The following TMEFF2 variants were observed in gnomAD, a reference collection of about 807,000 sequenced individuals.
The protein encoded by TMEFF2 is tomoregulin-2.
TMEFF2 carries 28 observed loss-of-function variants against 53.8 expected under a neutral mutation model. The ratio of observed to expected loss-of-function variants is 0.52; its 90% CI spans 0.39 to 0.71. The LOEUF is 0.71. TMEFF2 is among the 30% of genes least tolerant of loss of function. The pLI is 0.00. For missense variants in TMEFF2, 353 were observed against 455.2 expected (o/e 0.78, Z 2.04); for synonymous variants, 162 against 166.3 (o/e 0.97, Z 0.20).
At chr2:192,112,084 C>G (rs115498147) in intron 4 of TMEFF2, among the ~76,000 whole-genome samples, 5,178 of 152,260 alleles carry the variant, frequency 0.034, 124 homozygotes, top group Non-Finnish European at 0.044. Context: ...TGTGGGGTTA[C>G]AGCCCCCACA....
chr2:192,114,917 C>T (rs1689365125), intron 4 of TMEFF2, among the ~76,000 whole-genome samples: 1 of 151,868 alleles, frequency 6.6e-6, no homozygotes, highest in African/African-American at 2.4e-5. Flanking sequence ...TTGTGATAAA[C>T]ATCAAACAAT....
intron 7 of TMEFF2, among the ~76,000 whole-genome samples, chr2:191,976,322 G>C (rs1484781479): frequency 6.6e-6 from 1 of 152,148 alleles, no homozygotes; most frequent in African/African-American, 2.4e-5. Flanking sequence ...CTCAGCAAAA[G>C]AGCTGGCAAA....
At chr2:192,189,654 C>T (rs1691413663) in intron 2 of TMEFF2, among the ~76,000 whole-genome samples, 1 of 150,480 alleles carries the variant, frequency 6.6e-6, no homozygotes, top group African/African-American at 2.4e-5. Context: ...TTCAATACCT[C>T]TCCCTTTTTA....
intron 7 of TMEFF2, among the ~76,000 whole-genome samples, chr2:191,965,102 G>A (rs1692432510): frequency 6.6e-6 from 1 of 152,078 alleles, no homozygotes; most frequent in Non-Finnish European, 1.5e-5. Context: ...TACTGCCTCT[G>A]ACTTCCAAAT....
intron 7 of TMEFF2, among the ~76,000 whole-genome samples, chr2:191,964,398 C>CTTTT (rs200251020): frequency 1.9e-5 from 1 of 51,750 alleles, no homozygotes; most frequent in African/African-American, 7.1e-5. Flanking sequence ...TTCTTTCTTT[C>CTTTT]TCTTTCTTTC....
intron 5 of TMEFF2, among the ~76,000 whole-genome samples, chr2:192,020,141 C>T (rs1229276253): frequency 1.3e-5 from 2 of 152,090 alleles, no homozygotes; most frequent in African/African-American, 4.8e-5. Flanking sequence ...CTTCCCTACC[C>T]TCTTTTCCCT....
Position 192,138,133 on chromosome 2 carries a change from T to G in TMEFF2, c.439+41535A>C, listed in dbSNP as rs376055078. ...TGCGCCCAGCCTCCTGAGTAATATATTTTTGAAACACTGGCAACTTAACAT... is the reference window on the plus strand; with the variant it reads ...TGCGCCCAGCCTCCTGAGTAATATAGTTTTGAAACACTGGCAACTTAACAT... On this transcript the variant is annotated intron_variant, in intron 4 of 9. Coordinates refer to ENST00000272771, the MANE Select transcript of TMEFF2 (RefSeq NM_016192.4). Among the ~76,000 whole-genome samples, 25 of 152,294 alleles carry G rather than the reference T, an allele frequency of 1.6e-4. No homozygotes were observed. In the South Asian group the frequency reaches 4.6e-3, roughly 28 times the overall value.
intron 4 of TMEFF2, among the ~76,000 whole-genome samples, chr2:192,088,802 C>T (rs1381233248): frequency 2.6e-5 from 4 of 152,106 alleles, no homozygotes; most frequent in Admixed American, 6.6e-5. Flanking sequence ...TCAAAAACCA[C>T]CTCCAAAATA....
chr2:191,954,315 CTT>C (rs1691996155), intron 8 of TMEFF2, among the ~76,000 whole-genome samples: 1 of 151,728 alleles, frequency 6.6e-6, no homozygotes, highest in East Asian at 1.9e-4. Flanking sequence ...AACAAGATGT[CTT>C]TGTGTTTCTC....
At chr2:192,161,719 T>G (rs138532480) in intron 4 of TMEFF2, among the ~76,000 whole-genome samples, 4 of 152,292 alleles carry the variant, frequency 2.6e-5, no homozygotes, top group African/African-American at 9.6e-5. Flanking sequence ...AATAATGTGT[T>G]GCCTAGATCA....
intron 5 of TMEFF2, chr2:192,028,730 A>G (rs1687039631): frequency 6.6e-6 from 1 of 152,300 alleles, no homozygotes; most frequent in South Asian, 2.1e-4. Flanking sequence ...TATTCTTGTA[A>G]GAATGAAATA....
intron 7 of TMEFF2, among the ~76,000 whole-genome samples, chr2:191,967,253 G>A (rs1193348971): frequency 6.6e-6 from 1 of 152,068 alleles, no homozygotes; most frequent in Admixed American, 6.6e-5. Context: ...TATAGGTACA[G>A]CACCTTAGTA....
At position 192,184,368 on chromosome 2, in the gene TMEFF2, C is replaced by T. The variant is rs745569944; in HGVS notation, c.398G>A (p.Gly133Glu). The T allele has an allele frequency of 6.2e-7, 1 of 1,613,156 alleles. No individual in the cohort carries two copies. The highest frequency in any genetic ancestry group is 1.7e-5 in the Admixed American group (1 of 59,942). The change falls in exon 3 of 10, where the codon GGA (glycine) becomes GAA (glutamate). Residue 133 changes from glycine (G) to glutamate (E), a missense_variant. Physicochemically the swap from Gly to Glu is moderately conservative, Grantham distance 98 (BLOSUM62 -2). Coordinates refer to ENST00000272771, the MANE Select transcript of TMEFF2 (RefSeq NM_016192.4). The part of the protein sequence containing the change: ...QQSEILVVSE[G>E]SCATDAGSGS... Reference sequence around the variant, plus strand: ...CACACACATACCTGTGGCACATGATCCTTCTGACACCACAAGTATCTCACT... The same window carrying T: ...CACACACATACCTGTGGCACATGATTCTTCTGACACCACAAGTATCTCACT...
intron 4 of TMEFF2, among the ~76,000 whole-genome samples, chr2:192,174,681 C>A (rs570655097): frequency 6.6e-6 from 1 of 151,740 alleles, no homozygotes; most frequent in African/African-American, 2.4e-5. Flanking sequence ...ATATATATTG[C>A]CTGGGAAGAA....
intron 5 of TMEFF2, among the ~76,000 whole-genome samples, chr2:192,045,916 C>G (rs1188990250): frequency 6.6e-6 from 1 of 152,230 alleles, no homozygotes; most frequent in African/African-American, 2.4e-5. Flanking sequence ...CATCCATGGA[C>G]TTACGGAATG....
At chr2:192,154,504 C>A (rs1399164037) in intron 4 of TMEFF2, among the ~76,000 whole-genome samples, 1 of 151,994 alleles carries the variant, frequency 6.6e-6, no homozygotes, top group African/African-American at 2.4e-5. Context: ...TATTTAGAAA[C>A]TACTTTGGTG....
At chr2:192,172,799 T>C (rs1326247243) in intron 4 of TMEFF2, among the ~76,000 whole-genome samples, 2 of 151,896 alleles carry the variant, frequency 1.3e-5, no homozygotes, top group Non-Finnish European at 2.9e-5. Flanking sequence ...GCTGGTAGAA[T>C]TGATGATTTA....
intron 5 of TMEFF2, among the ~76,000 whole-genome samples, chr2:192,007,501 G>T (rs1490663186): frequency 1.3e-5 from 2 of 152,156 alleles, no homozygotes; most frequent in Admixed American, 6.5e-5. Context: ...AATGCCTGGG[G>T]AAATGTATGG....
At chr2:192,009,840 T>C (rs1348644506) in intron 5 of TMEFF2, among the ~76,000 whole-genome samples, 1 of 152,162 alleles carries the variant, frequency 6.6e-6, no homozygotes, top group Non-Finnish European at 1.5e-5. Context: ...AATTAGGTGG[T>C]AGAGCACAAG....
Sources: gnomAD v4.1 joint callset for allele counts (sites outside exome capture counted in the v4.1 genomes callset) on GRCh38, gnomAD v4.1.1 for gene constraint, MANE v1.5 for transcripts, NCBI Gene and HGNC (gene_info 2026-07-23, HGNC 2026-07-21) for gene names.